The following CREBBP variants were observed in gnomAD, a reference collection of about 807,000 sequenced individuals.
The protein encoded by CREBBP is CREB-binding protein.
Under a neutral mutation model 265.0 loss-of-function variants are expected in CREBBP, and 19 were observed. The observed-to-expected ratio is 0.07, with a 90% CI of 0.05 to 0.11. CREBBP has a LOEUF of 0.11. Among genes scored for constraint, CREBBP ranks in the 10% least tolerant of loss-of-function variants. The pLI is 1.00. For missense variants in CREBBP, 2,525 were observed against 3,219.0 expected (o/e 0.78, Z 5.22); for synonymous variants, 1,457 against 1,223.7 (o/e 1.19, Z -3.98).
intron 30 of CREBBP, among the ~76,000 whole-genome samples, chr16:3,730,807 G>C (rs2051893837): frequency 6.6e-6 from 1 of 152,164 alleles, no homozygotes; most frequent in South Asian, 2.1e-4. Context: ...TCACAGGGGG[G>C]TCAAAATTCC....
chr16:3,739,996 T>C (rs117656763), intron 24 of CREBBP, among the ~76,000 whole-genome samples: 2,875 of 152,336 alleles, frequency 0.019, 41 homozygotes, highest in Non-Finnish European at 0.031. Flanking sequence ...GTCCCCCTTA[T>C]CCACGGGGTG....
chr16:3,750,570 T>A (rs1325698553), intron 20 of CREBBP, among the ~76,000 whole-genome samples: 1 of 152,230 alleles, frequency 6.6e-6, no homozygotes, highest in Non-Finnish European at 1.5e-5. Context: ...TAACACAATT[T>A]GTGCATTTGC....
intron 1 of CREBBP, among the ~76,000 whole-genome samples, chr16:3,875,834 G>C (rs368711538): frequency 1.3e-5 from 2 of 152,140 alleles, no homozygotes; most frequent in African/African-American, 4.8e-5. Context: ...GTGACGTGGA[G>C]AAAAGCACTC....
At chr16:3,760,054 A>T (rs1268415341) in intron 16 of CREBBP, among the ~76,000 whole-genome samples, 1 of 152,182 alleles carries the variant, frequency 6.6e-6, no homozygotes, top group African/African-American at 2.4e-5. Flanking sequence ...GCCTTAGCTT[A>T]TAAGTGATGT....
At chr16:3,837,494 T>C (rs1484583030) in intron 2 of CREBBP, among the ~76,000 whole-genome samples, 23 of 151,854 alleles carry the variant, frequency 1.5e-4, no homozygotes, top group Non-Finnish European at 2.9e-5. Context: ...CATGCACCTG[T>C]AGTCCCAGCT....
chr16:3,753,295 A>T (rs2151376094), intron 19 of CREBBP, among the ~76,000 whole-genome samples: 1 of 152,340 alleles, frequency 6.6e-6, no homozygotes, highest in African/African-American at 2.4e-5. Flanking sequence ...ATCTTAATTC[A>T]ATACATTGAG....
chr16:3,815,530 C>CCAAAA (rs2054020766), intron 2 of CREBBP, among the ~76,000 whole-genome samples: 1 of 51,944 alleles, frequency 1.9e-5, no homozygotes, highest in East Asian at 6.2e-4. Context: ...GACTCCATCT[C>CCAAAA]AAAAAAAAAA....
chr16:3,759,453 C>T (rs73493532), intron 16 of CREBBP, among the ~76,000 whole-genome samples: 2 of 151,778 alleles, frequency 1.3e-5, no homozygotes, highest in Non-Finnish European at 2.9e-5. Context: ...TGGTGTGTGT[C>T]GGGGGTTCCT....
At chr16:3,742,676 T>A (rs1326781361) in intron 23 of CREBBP, 1 of 152,110 alleles carries the variant, frequency 6.6e-6, no homozygotes, top group African/African-American at 2.4e-5. Flanking sequence ...TTGCATATGG[T>A]GTATGCGAAG....
At chr16:3,799,755 C>T (rs1182010720) in intron 3 of CREBBP, among the ~76,000 whole-genome samples, 4 of 152,018 alleles carry the variant, frequency 2.6e-5, no homozygotes, top group Non-Finnish European at 5.9e-5. Context: ...CTCAAATAAC[C>T]CCTGTCAAAG....
At chr16:3,807,419 A>AT (rs769647530) in intron 3 of CREBBP, among the ~76,000 whole-genome samples, 11 of 152,098 alleles carry the variant, frequency 7.2e-5, no homozygotes, top group Non-Finnish European at 1.3e-4. Flanking sequence ...TTGACACCTC[A>AT]TTTTTTCAGT....
chr16:3,841,636 G>A (rs1159890428), intron 2 of CREBBP, among the ~76,000 whole-genome samples: 2 of 152,030 alleles, frequency 1.3e-5, no homozygotes, highest in Non-Finnish European at 2.9e-5. Context: ...GTGAGGCCTT[G>A]TCTCAAAATA....
At chr16:3,847,949 G>A (rs1239762784) in intron 2 of CREBBP, among the ~76,000 whole-genome samples, 2 of 152,036 alleles carry the variant, frequency 1.3e-5, no homozygotes, top group African/African-American at 2.4e-5. Flanking sequence ...CAGGTGGCTC[G>A]CTTGAGGTCA....
intron 2 of CREBBP, among the ~76,000 whole-genome samples, chr16:3,838,098 T>G (rs1184368651): frequency 1.3e-5 from 2 of 152,196 alleles, no homozygotes; most frequent in Admixed American, 1.3e-4. Context: ...CCTCCTAAAG[T>G]GCTGGGATTG....
chr16:3,753,111 A>T (rs1026523982), intron 19 of CREBBP, among the ~76,000 whole-genome samples: 18 of 152,198 alleles, frequency 1.2e-4, no homozygotes, highest in African/African-American at 4.3e-4. Flanking sequence ...ATTAGTATTA[A>T]AAACAGTGCG....
chr16:3,736,303 T>C, intron 27 of CREBBP, 100 bp from the exon 28 acceptor site: 1 of 1,260,382 alleles, frequency 7.9e-7, no homozygotes, highest in Middle Eastern at 2.1e-4. Context: ...CACCATGGTG[T>C]GGCAGAGTCC....
intron 2 of CREBBP, among the ~76,000 whole-genome samples, chr16:3,839,124 T>C (rs2054514593): frequency 6.6e-6 from 1 of 152,244 alleles, no homozygotes; most frequent in Admixed American, 6.5e-5. Context: ...ACTATTATCC[T>C]CATTTAAAAG....
chr16:3,815,511 C>CA (rs750319758), intron 2 of CREBBP, among the ~76,000 whole-genome samples: 225 of 125,590 alleles, frequency 1.8e-3, no homozygotes, highest in Admixed American at 5.1e-3. Flanking sequence ...GCCTGGATGA[C>CA]AGAGGGGAGA....
intron 3 of CREBBP, among the ~76,000 whole-genome samples, chr16:3,804,129 G>A (rs2053781286): frequency 6.6e-6 from 1 of 151,494 alleles, no homozygotes; most frequent in South Asian, 2.1e-4. Context: ...CAACAAAAAA[G>A]ACAACCTGCA....
Sources: gnomAD v4.1 joint callset for allele counts (sites outside exome capture counted in the v4.1 genomes callset) on GRCh38, gnomAD v4.1.1 for gene constraint, MANE v1.5 for transcripts, NCBI Gene and HGNC (gene_info 2026-07-23, HGNC 2026-07-21) for gene names.